KIF26B: variants seen among roughly 807,000 people sequenced by gnomAD.
KIF26B encodes kinesin-like protein KIF26B.
A neutral mutation model predicts 151.2 loss-of-function variants in KIF26B; 63 were observed. The ratio of observed to expected loss-of-function variants is 0.42; its 90% CI spans 0.34 to 0.51. KIF26B has a LOEUF of 0.51. Among genes scored for constraint, KIF26B ranks in the 20% least tolerant of loss-of-function variants. The pLI is 0.07. For missense variants in KIF26B, 2,813 were observed against 2,913.6 expected (o/e 0.97, Z 0.79); for synonymous variants, 1,357 against 1,262.1 (o/e 1.08, Z -1.59).
At chr1:245,639,348 GTTGGGTCTTCTGT>G (rs2043864384) in intron 9 of KIF26B, among the ~76,000 whole-genome samples, 1 of 151,628 alleles carries the variant, frequency 6.6e-6, no homozygotes, top group Admixed American at 6.6e-5. Flanking sequence ...ATTTTATTTA[GTTGGGTCTTCTGT>G]TTTTTCTTAG....
intron 2 of KIF26B, among the ~76,000 whole-genome samples, chr1:245,245,925 C>CA (rs60181356): frequency 0.015 from 1,632 of 111,602 alleles, 82 homozygotes; most frequent in African/African-American, 0.054. Context: ...GACTCCGTCT[C>CA]AAAAAAAAAA....
intron 4 of KIF26B, among the ~76,000 whole-genome samples, chr1:245,517,512 G>A (rs1660995256): frequency 6.6e-6 from 1 of 152,194 alleles, no homozygotes; most frequent in East Asian, 1.9e-4. Context: ...TATGAAAATA[G>A]AGACCTGTAG....
chr1:245,498,693 C>A (rs1341857254), intron 4 of KIF26B, among the ~76,000 whole-genome samples: 4 of 152,180 alleles, frequency 2.6e-5, no homozygotes, highest in Admixed American at 1.3e-4. Context: ...TAGCCAGGAA[C>A]TTTCAATAAT....
chr1:245,236,564 C>T (rs1670113928), intron 2 of KIF26B, among the ~76,000 whole-genome samples: 1 of 152,118 alleles, frequency 6.6e-6, no homozygotes, highest in Non-Finnish European at 1.5e-5. Flanking sequence ...ATAATGTTAG[C>T]AATGCTATGA....
At chr1:245,458,553 T>C (rs1413629669) in intron 4 of KIF26B, among the ~76,000 whole-genome samples, 2 of 152,242 alleles carry the variant, frequency 1.3e-5, no homozygotes, top group Non-Finnish European at 2.9e-5. Flanking sequence ...TGAAGGCATA[T>C]AGCTACATCT....
chr1:245,309,648 T>A (rs1469632451), intron 2 of KIF26B, among the ~76,000 whole-genome samples: 1 of 148,216 alleles, frequency 6.7e-6, no homozygotes, highest in Admixed American at 6.8e-5. Context: ...ATTATATATA[T>A]AATATATAAT....
At chr1:245,425,865 G>A (rs1658633640) in intron 4 of KIF26B, among the ~76,000 whole-genome samples, 1 of 152,186 alleles carries the variant, frequency 6.6e-6, no homozygotes, top group Non-Finnish European at 1.5e-5. Flanking sequence ...GCGTTGGTGA[G>A]CACAGAGACT....
intron 4 of KIF26B, among the ~76,000 whole-genome samples, chr1:245,460,051 C>G (rs1000307760): frequency 1.3e-5 from 2 of 152,162 alleles, no homozygotes; most frequent in African/African-American, 4.8e-5. Flanking sequence ...ATGGTATCGT[C>G]TCACTACAAC....
intron 2 of KIF26B, among the ~76,000 whole-genome samples, chr1:245,164,216 T>C (rs750889761): frequency 2.0e-5 from 3 of 152,242 alleles, no homozygotes; most frequent in Non-Finnish European, 1.5e-5. Context: ...CATGCAATTT[T>C]TCTCCTTAGA....
chr1:245,294,228 C>T (rs1671300475), intron 2 of KIF26B, among the ~76,000 whole-genome samples: 1 of 152,128 alleles, frequency 6.6e-6, no homozygotes, highest in Admixed American at 6.5e-5. Context: ...TCCAGGCTCT[C>T]ATTTCCCTCC....
intron 4 of KIF26B, among the ~76,000 whole-genome samples, chr1:245,445,473 C>T (rs1261798376): frequency 1.3e-5 from 2 of 152,098 alleles, no homozygotes; most frequent in African/African-American, 2.4e-5. Flanking sequence ...GAAGTGCGTG[C>T]GTGCGCGTGT....
chr1:245,369,184 A>T (rs1426208240), intron 3 of KIF26B, among the ~76,000 whole-genome samples: 1 of 150,414 alleles, frequency 6.6e-6, no homozygotes, highest in Non-Finnish European at 1.5e-5. Flanking sequence ...AGAGAGAGAG[A>T]GAGAGAGAGA....
At position 245,705,366 on chromosome 1, in the gene KIF26B, T is replaced by C. The variant is rs2044827433; in HGVS notation, c.*2760T>C. The C allele has an allele frequency of 6.6e-6, 1 of 152,170 alleles. No individual in the cohort carries two copies. Among genetic ancestry groups the C allele is most frequent in the South Asian group, 2.1e-4 (1 of 4,828 alleles). 9.4% of individuals were successfully genotyped at this position (152,170 alleles called of 1,614,324 possible). On this transcript the variant is annotated 3_prime_UTR_variant, in exon 15 of 15. Coordinates refer to ENST00000407071, the MANE Select transcript of KIF26B (RefSeq NM_018012.4). ...AGAAATCAGGCATTTTACGTTATGA[T>C]GTGCTTGTTCCTGTCTCTGCCTATA...
chr1:245,481,386 G>A (rs908831974), intron 4 of KIF26B, among the ~76,000 whole-genome samples: 3 of 151,772 alleles, frequency 2.0e-5, no homozygotes, highest in South Asian at 2.1e-4. Flanking sequence ...AACCATTCCC[G>A]TGCTCAAATG....
chr1:245,256,430 G>A (rs1411226635), intron 2 of KIF26B, among the ~76,000 whole-genome samples: 3 of 152,190 alleles, frequency 2.0e-5, no homozygotes, highest in South Asian at 2.1e-4. Context: ...CCCATCGTCC[G>A]GATGAGGAAG....
At chr1:245,461,031 G>A (rs576029633) in intron 4 of KIF26B, among the ~76,000 whole-genome samples, 11 of 152,326 alleles carry the variant, frequency 7.2e-5, no homozygotes, top group South Asian at 4.1e-4. Context: ...CAGCACAGGC[G>A]TTCTGGGGTG....
intron 4 of KIF26B, among the ~76,000 whole-genome samples, chr1:245,522,025 A>T (rs1023310433): frequency 6.6e-6 from 1 of 151,524 alleles, no homozygotes; most frequent in Non-Finnish European, 1.5e-5. Flanking sequence ...ACCCGCCACC[A>T]TGCCCGGCTA....
intron 2 of KIF26B, among the ~76,000 whole-genome samples, chr1:245,226,305 G>A (rs1398241638): frequency 2.0e-5 from 3 of 152,208 alleles, no homozygotes; most frequent in Non-Finnish European, 4.4e-5. Flanking sequence ...TTCTCAGGTT[G>A]CAGAGAGCCA....
At chr1:245,463,038 T>C (rs1005464667) in intron 4 of KIF26B, among the ~76,000 whole-genome samples, 4 of 152,172 alleles carry the variant, frequency 2.6e-5, no homozygotes, top group African/African-American at 7.2e-5. Context: ...GTGGGTCCAA[T>C]GACTGCTGAG....
Sources: gnomAD v4.1 joint callset for allele counts (sites outside exome capture counted in the v4.1 genomes callset) on GRCh38, gnomAD v4.1.1 for gene constraint, MANE v1.5 for transcripts, NCBI Gene and HGNC (gene_info 2026-07-23, HGNC 2026-07-21) for gene names.